The following SLC14A2 variants were observed in gnomAD, a reference collection of about 807,000 sequenced individuals.
SLC14A2 encodes solute carrier family 14 member 2, also known as urea transporter 2.
SLC14A2 carries 91 observed loss-of-function variants against 104.6 expected under a neutral mutation model. The ratio of observed to expected loss-of-function variants is 0.87; its 90% CI spans 0.73 to 1.04. The LOEUF (loss-of-function observed/expected upper bound fraction) is 1.04. Among genes scored for constraint, SLC14A2 ranks in the 50% least tolerant of loss-of-function variants. The pLI is 0.00. For missense variants in SLC14A2, 1,189 were observed against 1,156.0 expected (o/e 1.03, Z -0.41); for synonymous variants, 476 against 466.4 (o/e 1.02, Z -0.27).
chr18:45,199,256 A>T, the SLC14A2 span, among the ~76,000 whole-genome samples: 1 of 152,082 alleles, frequency 6.6e-6, no homozygotes, highest in Non-Finnish European at 1.5e-5. Context: ...AGGCTTTTCT[A>T]ATCTGAAGGC....
chr18:45,624,106 G>A (rs1001660317), intron 1 of SLC14A2, among the ~76,000 whole-genome samples: 4 of 152,148 alleles, frequency 2.6e-5, no homozygotes, highest in African/African-American at 9.7e-5. Flanking sequence ...ATAGACCAGT[G>A]CTTCCTACTG....
At chr18:45,634,602 TAAGAA>T (rs2144534264) in intron 5 of SLC14A2, among the ~76,000 whole-genome samples, 1 of 152,250 alleles carries the variant, frequency 6.6e-6, no homozygotes, top group East Asian at 1.9e-4. Context: ...TGATGTATTC[TAAGAA>T]GAGAGACAAG....
chr18:45,570,710 C>T (rs939992321), intron 2 of SLC14A2, among the ~76,000 whole-genome samples: 1 of 152,222 alleles, frequency 6.6e-6, no homozygotes, highest in Non-Finnish European at 1.5e-5. Context: ...CAGGACCATG[C>T]ACCTCCTCCT....
chr18:45,240,131 C>G (rs1347493405), intron 1 of SLC14A2, among the ~76,000 whole-genome samples: 1 of 120,750 alleles, frequency 8.3e-6, no homozygotes, highest in African/African-American at 3.2e-5. Flanking sequence ...GAGTCTCACT[C>G]TGTTGCCCAG....
chr18:45,486,665 G>A (rs890799533), intron 2 of SLC14A2, among the ~76,000 whole-genome samples: 1 of 152,104 alleles, frequency 6.6e-6, no homozygotes, highest in Non-Finnish European at 1.5e-5. Context: ...CATAAAGACA[G>A]ACCAGAAGAG....
At chr18:45,228,748 A>G (rs2084144734) in intron 1 of SLC14A2, among the ~76,000 whole-genome samples, 3 of 152,150 alleles carry the variant, frequency 2.0e-5, no homozygotes, top group Admixed American at 2.0e-4. Context: ...ATCCTGATGT[A>G]AAATGCCGCT....
intron 1 of SLC14A2, among the ~76,000 whole-genome samples, chr18:45,252,634 C>T (rs1381521638): frequency 6.6e-6 from 1 of 152,200 alleles, no homozygotes; most frequent in East Asian, 1.9e-4. Flanking sequence ...GAGCTGTCTG[C>T]TGACTCACAT....
intron 10 of SLC14A2, among the ~76,000 whole-genome samples, chr18:45,654,137 T>TGGGG (rs10625342): frequency 9.9e-4 from 149 of 149,844 alleles, no homozygotes; most frequent in South Asian, 6.2e-3. Context: ...GCAGGAATGC[T>TGGGG]GGGGGGGACG....
At chr18:45,546,942 G>T (rs2043979958) in intron 2 of SLC14A2, among the ~76,000 whole-genome samples, 1 of 152,108 alleles carries the variant, frequency 6.6e-6, no homozygotes, top group African/African-American at 2.4e-5. Flanking sequence ...GCCACTGTTG[G>T]AAGGCATAGG....
At chr18:45,220,218 G>C (rs749667146) in intron 1 of SLC14A2, among the ~76,000 whole-genome samples, 2 of 152,204 alleles carry the variant, frequency 1.3e-5, no homozygotes, top group African/African-American at 2.4e-5. Flanking sequence ...GCCCCTGGAA[G>C]TGTCATCCCG....
chr18:45,569,495 A>G (rs1323043860), intron 2 of SLC14A2, among the ~76,000 whole-genome samples: 2 of 152,212 alleles, frequency 1.3e-5, no homozygotes, highest in Non-Finnish European at 2.9e-5. Flanking sequence ...ATAAAAAGCA[A>G]CTCAAGGTAT....
At chr18:45,467,316 A>C (rs1250716311) in intron 1 of SLC14A2, among the ~76,000 whole-genome samples, 2 of 152,168 alleles carry the variant, frequency 1.3e-5, no homozygotes, top group Non-Finnish European at 2.9e-5. Flanking sequence ...AGTATCACCC[A>C]TCCCTCAATC....
intron 10 of SLC14A2, among the ~76,000 whole-genome samples, chr18:45,654,766 T>C (rs1390751013): frequency 2.6e-5 from 4 of 152,138 alleles, no homozygotes; most frequent in Admixed American, 6.5e-5. Flanking sequence ...TACTTCCTGC[T>C]CACCTGCTGA....
chr18:45,526,823 G>A (rs1434962646), intron 2 of SLC14A2, among the ~76,000 whole-genome samples: 6 of 152,108 alleles, frequency 3.9e-5, no homozygotes, highest in Admixed American at 3.9e-4. Flanking sequence ...GTCTGGATCA[G>A]GAAATTTATG....
chr18:45,276,050 T>A (rs942136161), intron 1 of SLC14A2, among the ~76,000 whole-genome samples: 7 of 152,188 alleles, frequency 4.6e-5, no homozygotes, highest in Non-Finnish European at 1.0e-4. Context: ...GAGGGAAAAG[T>A]GCTGCAGACA....
chr18:45,369,409 A>C (rs919196348), intron 1 of SLC14A2, among the ~76,000 whole-genome samples: 4 of 152,148 alleles, frequency 2.6e-5, no homozygotes, highest in African/African-American at 9.7e-5. Flanking sequence ...GTACATCTGC[A>C]TTTTAAAAGA....
chr18:45,373,661 C>T (rs895121728), intron 1 of SLC14A2, among the ~76,000 whole-genome samples: 1 of 152,158 alleles, frequency 6.6e-6, no homozygotes, highest in African/African-American at 2.4e-5. Flanking sequence ...TTATATATGG[C>T]CCTGAGAAAA....
At chr18:45,398,134 C>G (rs2086056696) in intron 1 of SLC14A2, among the ~76,000 whole-genome samples, 2 of 152,108 alleles carry the variant, frequency 1.3e-5, no homozygotes, top group South Asian at 4.2e-4. Flanking sequence ...AACTGAGACT[C>G]AGAGGGACTA....
At chr18:45,552,397 TTGTG>T (rs2044068796) in intron 2 of SLC14A2, among the ~76,000 whole-genome samples, 1 of 151,180 alleles carries the variant, frequency 6.6e-6, no homozygotes, top group Admixed American at 6.6e-5. Flanking sequence ...TGCATTTTCT[TTGTG>T]TGAGTTTCCC....
Sources: gnomAD v4.1 joint callset for allele counts (sites outside exome capture counted in the v4.1 genomes callset) on GRCh38, gnomAD v4.1.1 for gene constraint, MANE v1.5 for transcripts, NCBI Gene and HGNC (gene_info 2026-07-23, HGNC 2026-07-21) for gene names.